The following GRIK2 variants were observed in gnomAD, a reference collection of about 807,000 sequenced individuals.
The protein encoded by GRIK2 is glutamate receptor ionotropic, kainate 2.
A neutral mutation model predicts 100.3 loss-of-function variants in GRIK2; 32 were observed. The ratio of observed to expected loss-of-function variants is 0.32; its 90% CI spans 0.24 to 0.43. The LOEUF is 0.43. Ranked by LOEUF, GRIK2 falls within the 20% of genes least tolerant of loss-of-function variation. The pLI is 1.00. For synonymous variants in GRIK2, 417 were observed against 389.4 expected (o/e 1.07, Z -0.83); for missense variants, 843 against 1,114.9 (o/e 0.76, Z 3.47).
At chr6:101,614,920 G>T (rs1582829010) in intron 2 of GRIK2, among the ~76,000 whole-genome samples, 1 of 151,664 alleles carries the variant, frequency 6.6e-6, no homozygotes, top group Non-Finnish European at 1.5e-5. Flanking sequence ...AGTTACAATT[G>T]ATTTAAAAGA....
intron 2 of GRIK2, among the ~76,000 whole-genome samples, chr6:101,599,265 G>T (rs1779079793): frequency 6.6e-6 from 1 of 151,676 alleles, no homozygotes. Context: ...CTTTTTTATG[G>T]CTACAGATTA....
chr6:101,466,693 T>C (rs555601976), intron 2 of GRIK2, among the ~76,000 whole-genome samples: 2 of 152,154 alleles, frequency 1.3e-5, no homozygotes, highest in South Asian at 4.1e-4. Flanking sequence ...TTTCTCCAGA[T>C]GTCAACCTTT....
chr6:101,849,518 C>A (rs755612474), intron 10 of GRIK2, among the ~76,000 whole-genome samples: 1 of 152,040 alleles, frequency 6.6e-6, no homozygotes, highest in Admixed American at 6.6e-5. Flanking sequence ...GTTGCCCATT[C>A]ATCAGCCTTC....
At chr6:101,719,108 AT>A (rs1774272286) in intron 7 of GRIK2, among the ~76,000 whole-genome samples, 1 of 107,170 alleles carries the variant, frequency 9.3e-6, no homozygotes, top group African/African-American at 4.7e-5. Flanking sequence ...ATTTAAATGT[AT>A]TTTCTGAAAT....
At chr6:101,597,974 A>C (rs1247347734) in intron 2 of GRIK2, among the ~76,000 whole-genome samples, 3 of 151,678 alleles carry the variant, frequency 2.0e-5, no homozygotes, top group Non-Finnish European at 3.0e-5. Flanking sequence ...ACATCACCCC[A>C]AATATGAACA....
At chr6:101,524,598 T>G (rs1159364386) in intron 2 of GRIK2, among the ~76,000 whole-genome samples, 1 of 152,046 alleles carries the variant, frequency 6.6e-6, no homozygotes, top group East Asian at 1.9e-4. Flanking sequence ...GATGCCCAAA[T>G]AGTAGACAGT....
intron 2 of GRIK2, among the ~76,000 whole-genome samples, chr6:101,403,886 C>T (rs1182915793): frequency 6.6e-6 from 1 of 152,096 alleles, no homozygotes; most frequent in African/African-American, 2.4e-5. Context: ...CCAAGAATCG[C>T]CAACACAACG....
At chr6:102,059,642 TATAAG>T (rs1771646213) in intron 16 of GRIK2, among the ~76,000 whole-genome samples, 1 of 151,042 alleles carries the variant, frequency 6.6e-6, no homozygotes, top group South Asian at 2.1e-4. Flanking sequence ...AAGCAAGAAT[TATAAG>T]ATATAATAAT....
intron 12 of GRIK2, among the ~76,000 whole-genome samples, chr6:101,896,424 A>C (rs1787446621): frequency 6.6e-6 from 1 of 151,816 alleles, no homozygotes; most frequent in African/African-American, 2.4e-5. Context: ...AGGCAATTTA[A>C]AATTAATGTG....
chr6:101,550,084 A>G (rs1053844185), intron 2 of GRIK2, among the ~76,000 whole-genome samples: 1 of 152,186 alleles, frequency 6.6e-6, no homozygotes, highest in African/African-American at 2.4e-5. Flanking sequence ...CAAAAGCTCT[A>G]TTGCTAAGAT....
chr6:101,984,235 G>A (rs901136385), intron 14 of GRIK2, among the ~76,000 whole-genome samples: 3 of 151,522 alleles, frequency 2.0e-5, no homozygotes, highest in Non-Finnish European at 4.4e-5. Flanking sequence ...CTAGAGCTTT[G>A]GCCCATGTTC....
chr6:102,046,613 A>G (rs1770902134), intron 15 of GRIK2, among the ~76,000 whole-genome samples: 1 of 152,128 alleles, frequency 6.6e-6, no homozygotes, highest in South Asian at 2.1e-4. Context: ...CTTCAGAACT[A>G]TGAGTCAATT....
rs189856431 is a variant in GRIK2, at chr6:101,665,588, G to T, written c.542-11035G>T. On this transcript the variant is annotated intron_variant, in intron 4 of 16. Coordinates refer to ENST00000369134, the MANE Select transcript of GRIK2 (RefSeq NM_021956.5). ...TTTATTCCCACCTTTCTGTCACTAA[G>T]TTCTCTATATTTTAAAAATAAACCT... 4.1e-4 allele frequency among the ~76,000 whole-genome samples: 62 copies of T among 152,290 alleles called. 1 individual carries two copies. The highest frequency in any genetic ancestry group is 1.5e-3 in the African/African-American group (62 of 41,562).
At chr6:101,565,093 T>C (rs936584330) in intron 2 of GRIK2, among the ~76,000 whole-genome samples, 1 of 152,132 alleles carries the variant, frequency 6.6e-6, no homozygotes, top group Non-Finnish European at 1.5e-5. Context: ...TCCTGAAAGA[T>C]GTGCCAATTA....
intron 2 of GRIK2, among the ~76,000 whole-genome samples, chr6:101,509,502 G>A (rs1350089783): frequency 3.3e-5 from 5 of 152,286 alleles, no homozygotes; most frequent in African/African-American, 9.6e-5. Context: ...GAAACAAAAT[G>A]TGCTGCCATC....
At chr6:102,006,934 A>G (rs1795273205) in intron 14 of GRIK2, among the ~76,000 whole-genome samples, 1 of 152,108 alleles carries the variant, frequency 6.6e-6, no homozygotes, top group South Asian at 2.1e-4. Context: ...GAAATAATTA[A>G]TATTAATTTT....
chr6:101,796,353 A>G (rs898696721), intron 7 of GRIK2, among the ~76,000 whole-genome samples: 25 of 152,216 alleles, frequency 1.6e-4, no homozygotes, highest in Non-Finnish European at 2.9e-5. Flanking sequence ...ATTTGTGAGA[A>G]TAAGAGAAGG....
chr6:101,706,213 A>G (rs1445452287), intron 7 of GRIK2, among the ~76,000 whole-genome samples: 1 of 151,930 alleles, frequency 6.6e-6, no homozygotes, highest in Non-Finnish European at 1.5e-5. Flanking sequence ...TCTACCAAAT[A>G]CATTGCTATA....
intron 2 of GRIK2, among the ~76,000 whole-genome samples, chr6:101,612,084 G>A (rs541943570): frequency 1.3e-5 from 2 of 151,878 alleles, no homozygotes; most frequent in African/African-American, 4.8e-5. Flanking sequence ...TAAAAGATGG[G>A]GCCTGGACTG....
Sources: gnomAD v4.1 joint callset for allele counts (sites outside exome capture counted in the v4.1 genomes callset) on GRCh38, gnomAD v4.1.1 for gene constraint, MANE v1.5 for transcripts, NCBI Gene and HGNC (gene_info 2026-07-23, HGNC 2026-07-21) for gene names.